Variants in GPAT4 observed in about 807,000 individuals in gnomAD.
GPAT4 encodes the protein glycerol-3-phosphate acyltransferase 4.
Under a neutral mutation model 58.0 loss-of-function variants are expected in GPAT4, and 17 were observed. The observed-to-expected ratio is 0.29, with a 90% confidence interval of 0.20 to 0.44. The LOEUF (loss-of-function observed/expected upper bound fraction) is 0.44, where lower values mean the gene tolerates loss of function less well. Ranked by LOEUF, GPAT4 falls within the 20% of genes least tolerant of loss-of-function variation. GPAT4 has a pLI of 1.00. For missense variants in GPAT4, 377 were observed against 574.5 expected (o/e 0.66, Z 3.51); for synonymous variants, 204 against 210.1 (o/e 0.97, Z 0.25).
At chr8:41,583,298 A>G (rs1033742461) in intron 1 of GPAT4, among the ~76,000 whole-genome samples, 1 of 151,532 alleles carries the variant, frequency 6.6e-6, no homozygotes, top group African/African-American at 2.4e-5. Context: ...GAATACTGGA[A>G]CTCATTCGTT....
chr8:41,582,696 G>T (rs373192900), intron 1 of GPAT4, among the ~76,000 whole-genome samples: 6 of 115,248 alleles, frequency 5.2e-5, no homozygotes, highest in African/African-American at 1.7e-4. Context: ...TGTGTGTGTG[G>T]GTGTATCTCA....
In GPAT4 at chr8:41,622,056, G is replaced by C. The variant is rs1202248341; in HGVS notation, c.*1055G>C. The C allele has an allele frequency of 6.6e-6, 1 of 152,274 alleles. No homozygotes were observed. The highest frequency in any genetic ancestry group is 1.5e-5 in the Non-Finnish European group (1 of 68,062). 9.4% of individuals were successfully genotyped at this position (152,274 alleles called of 1,614,324 possible). A position where few individuals can be genotyped will look rare whatever the true frequency, so the allele number is the denominator to read the frequency against. ...GACTGCTGGAGCGAGGAACCCTGCA[G>C]CTCAGAAGGTGAACAGCTCGTCTCA... On this transcript the variant is annotated 3_prime_UTR_variant, in exon 13 of 13. Coordinates refer to ENST00000396987, the MANE Select transcript of GPAT4 (RefSeq NM_178819.4).
chr8:41,617,819 C>T (rs1308154612), intron 10 of GPAT4, among the ~76,000 whole-genome samples: 2 of 152,190 alleles, frequency 1.3e-5, no homozygotes, highest in South Asian at 2.1e-4. Flanking sequence ...AGCCTACTGC[C>T]TTGTGTACAG....
At chr8:41,612,015 G>A (rs1803459566) in intron 6 of GPAT4, 23 bp downstream of exon 6, 2 of 1,613,224 alleles carry the variant, frequency 1.2e-6, no homozygotes, top group African/African-American at 2.7e-5. Flanking sequence ...TGTATTGATA[G>A]GAAGGGAGAT....
At chr8:41,588,565 AGTGT>A (rs536745214) in intron 1 of GPAT4, among the ~76,000 whole-genome samples, 116 of 143,830 alleles carry the variant, frequency 8.1e-4, no homozygotes, top group African/African-American at 2.8e-3. Context: ...CTTTTCCAAG[AGTGT>A]ATTTTCCTTG....
At chr8:41,606,797 A>G (rs1360793840) in intron 2 of GPAT4, among the ~76,000 whole-genome samples, 5 of 152,066 alleles carry the variant, frequency 3.3e-5, no homozygotes, top group Admixed American at 2.0e-4. Context: ...ATGAAACCTC[A>G]CAGATAGCAG....
intron 10 of GPAT4, among the ~76,000 whole-genome samples, chr8:41,616,340 A>C (rs1479194669): frequency 6.6e-6 from 1 of 152,212 alleles, no homozygotes; most frequent in African/African-American, 2.4e-5. Context: ...TCTGTCACCC[A>C]GGCTGGAGTG....
In GPAT4 at chr8:41,609,750, G is replaced by T. The variant is rs753450693; in HGVS notation, c.331G>T (p.Glu111Ter). The T allele has an allele frequency of 6.2e-7, 1 of 1,614,092 alleles. No individual in the cohort carries two copies. The highest frequency in any genetic ancestry group is 8.5e-7 in the Non-Finnish European group (1 of 1,180,044). ...SKALDNTPEFELSDIFYFCRK... is the reference protein window; with the variant it reads ...SKALDNTPEF ...GGCTCTGGACAACACTCCAGAGTTC[G>T]AGCTCTCTGACATTTTCTACTTTTG... Residue 111 changes from glutamate (E) to a stop codon, truncating the protein, a stop_gained, in exon 4 of 13, where the codon GAG becomes TAG. Coordinates refer to ENST00000396987, the MANE Select transcript of GPAT4 (RefSeq NM_178819.4). LOFTEE classifies it high-confidence loss of function.
intron 7 of GPAT4, 87 bp downstream of exon 7, chr8:41,612,360 A>C: frequency 7.3e-7 from 1 of 1,361,454 alleles, no homozygotes; most frequent in Non-Finnish European, 1.0e-6. Context: ...CCTTCACATA[A>C]ACACATTTAT....
chr8:41,613,169 G>A (rs1036506806), intron 8 of GPAT4, among the ~76,000 whole-genome samples: 1 of 152,044 alleles, frequency 6.6e-6, no homozygotes, highest in African/African-American at 2.4e-5. Flanking sequence ...GGCCGAGGTG[G>A]GCGGATCACT....
intron 1 of GPAT4, among the ~76,000 whole-genome samples, chr8:41,596,063 C>T (rs978013816): frequency 2.6e-5 from 4 of 152,300 alleles, no homozygotes; most frequent in Non-Finnish European, 2.9e-5. Flanking sequence ...TGATGGCCAA[C>T]GGCCACCTCT....
Position 41,609,742 on chromosome 8 carries a change from C to G in GPAT4, c.323C>G (p.Pro108Arg), listed in dbSNP as rs1803386983. The change falls in exon 4 of 13, where the codon CCA becomes CGA. Residue 108 changes from proline to arginine, a missense_variant. By Grantham distance (103) the Pro-to-Arg change is moderately radical. Transcript: ENST00000396987. ...AGTAGTAAGGCTCTGGACAACACTC[C>G]AGAGTTCGAGCTCTCTGACATTTTC... ...SGSSKALDNTPEFELSDIFYF... is the reference protein window; with the variant it reads ...SGSSKALDNTREFELSDIFYF... 1 of 1,614,082 alleles carries G rather than the reference C, an allele frequency of 6.2e-7. No homozygotes were observed. The highest frequency in any genetic ancestry group is 1.7e-4 in the Middle Eastern group (1 of 5,974).
At chr8:41,607,049 T>G (rs944693466) in intron 2 of GPAT4, among the ~76,000 whole-genome samples, 5 of 152,210 alleles carry the variant, frequency 3.3e-5, no homozygotes, top group African/African-American at 4.8e-5. Flanking sequence ...AGAAGTATAT[T>G]TCAGGATGAA....
intron 5 of GPAT4, 108 bp downstream of exon 5, chr8:41,610,918 C>A: frequency 8.5e-7 from 1 of 1,181,418 alleles, no homozygotes; most frequent in Non-Finnish European, 1.2e-6. Context: ...GCCATGGAAT[C>A]TTAGATGGAT....
Position 41,618,499 on chromosome 8 carries a change from G to A in GPAT4, c.1054-185G>A, listed in dbSNP as rs1445229336. On this transcript the variant is annotated intron_variant, in intron 10 of 12. Transcript: ENST00000396987. ...AGCAGAGGCCGGGTTCCTCGGGGGA[G>A]ATCAGTGTTGCTCACAGTCAGAACC... 3 of 723,672 alleles carry A rather than the reference G, an allele frequency of 4.1e-6. No homozygotes were observed. The African/African-American group carries it at 5.3e-5, about 13-fold the overall frequency. The allele number at this position is 723,672 out of a possible 1,614,324, so 44.8% of individuals were successfully genotyped here.
At chr8:41,591,695 A>G (rs1240918189) in intron 1 of GPAT4, among the ~76,000 whole-genome samples, 1 of 152,212 alleles carries the variant, frequency 6.6e-6, no homozygotes. Context: ...ACTGGGAACC[A>G]TTTTCCAAAC....
chr8:41,578,340 G>T (rs1802417299), intron 1 of GPAT4, 62 bp downstream of exon 1: 1 of 151,904 alleles, frequency 6.6e-6, no homozygotes, highest in Non-Finnish European at 1.5e-5. Context: ...GCCGAGAGCG[G>T]GACGTGGGAG....
At chr8:41,584,004 C>T (rs1358228467) in intron 1 of GPAT4, among the ~76,000 whole-genome samples, 1 of 152,168 alleles carries the variant, frequency 6.6e-6, no homozygotes, top group Non-Finnish European at 1.5e-5. Context: ...TCAGGTGATC[C>T]TCCCACCTAA....
chr8:41,599,316 T>A lies in GPAT4; in HGVS notation c.165+12T>A. 1 of 1,613,594 alleles carries A rather than the reference T, an allele frequency of 6.2e-7. No homozygotes were observed. The highest frequency in any genetic ancestry group is 1.3e-5 in the African/African-American group (1 of 74,982). ...TAAAAATCTTTGCGGTAAGTTATGC[T>A]GTTACAAAAGGTTGCTTCACAGAGG... On this transcript the variant is annotated intron_variant, in intron 2 of 12. Coordinates refer to ENST00000396987, the MANE Select transcript of GPAT4 (RefSeq NM_178819.4).
Sources: gnomAD v4.1 joint callset for allele counts (sites outside exome capture counted in the v4.1 genomes callset) on GRCh38, gnomAD v4.1.1 for gene constraint, MANE v1.5 for transcripts, NCBI Gene and HGNC (gene_info 2026-07-23, HGNC 2026-07-21) for gene names.